PCDHA4: variants seen among roughly 807,000 people sequenced by gnomAD.
PCDHA4 encodes protocadherin alpha 4.
A neutral mutation model predicts 61.4 loss-of-function variants in PCDHA4; 49 were observed. The ratio of observed to expected loss-of-function variants is 0.80; its 90% CI spans 0.63 to 1.01. The LOEUF (loss-of-function observed/expected upper bound fraction) is 1.01, where lower values mean the gene tolerates loss of function less well. Ranked by LOEUF, PCDHA4 falls within the 50% of genes least tolerant of loss-of-function variation. The pLI is 0.00. For missense variants in PCDHA4, 1,254 were observed against 1,235.8 expected (o/e 1.01, Z -0.22); for synonymous variants, 590 against 550.3 (o/e 1.07, Z -1.01).
chr5:140,851,353 G>A, intron 1 of PCDHA4: 1 of 976,274 alleles, frequency 1.0e-6, no homozygotes, highest in Non-Finnish European at 1.2e-6. Context: ...TCTGGATGGA[G>A]ACTGTGAACA....
intron 1 of PCDHA4, chr5:140,967,549 T>C (rs781838911): frequency 6.2e-7 from 1 of 1,614,012 alleles, no homozygotes; most frequent in Non-Finnish European, 8.5e-7. Flanking sequence ...ACCAGTCCAC[T>C]TATCGCGTCC....
At chr5:140,873,448 T>C (rs917341990) in intron 1 of PCDHA4, among the ~76,000 whole-genome samples, 1 of 152,206 alleles carries the variant, frequency 6.6e-6, no homozygotes, top group East Asian at 1.9e-4. Flanking sequence ...AAATAACAAA[T>C]TTGCATTTTA....
chr5:140,870,944 C>A (rs1554164906), intron 1 of PCDHA4: 1 of 1,613,540 alleles, frequency 6.2e-7, no homozygotes, highest in Admixed American at 1.7e-5. Context: ...CAGCCGGCGG[C>A]GGGCGGCTCG....
Position 140,950,516 on chromosome 5 carries a change from G to A in PCDHA4, c.2386-28433G>A, listed in dbSNP as rs184772904. ...ATTTAAGTCATTATTCCCTGTGTGCGATATGATTGTTTTTGTTGCTCTTGC... is the reference window on the plus strand; with the variant it reads ...ATTTAAGTCATTATTCCCTGTGTGCAATATGATTGTTTTTGTTGCTCTTGC... On this transcript the variant is annotated intron_variant, in intron 1 of 3. Coordinates refer to ENST00000530339, the MANE Select transcript of PCDHA4 (RefSeq NM_018907.4). Among the ~76,000 whole-genome samples, 6 of 152,110 alleles carry A rather than the reference G, an allele frequency of 3.9e-5. No individual in the cohort carries two copies. The East Asian group carries it at 9.6e-4, about 24-fold the overall frequency.
At chr5:140,829,650 T>C (rs2150172095) in intron 1 of PCDHA4, 3 of 1,612,396 alleles carry the variant, frequency 1.9e-6, no homozygotes, top group Non-Finnish European at 1.7e-6. Context: ...GTGTACGCGC[T>C]GCAGCCGCTG....
chr5:140,919,558 TAA>T (rs879969388), intron 1 of PCDHA4, among the ~76,000 whole-genome samples: 1 of 152,210 alleles, frequency 6.6e-6, no homozygotes, highest in Non-Finnish European at 1.5e-5. Flanking sequence ...TGATTTATAT[TAA>T]GTGAATATTT....
chr5:140,998,491 A>G (rs994652769), intron 3 of PCDHA4, among the ~76,000 whole-genome samples: 15 of 152,288 alleles, frequency 9.8e-5, no homozygotes, highest in African/African-American at 3.1e-4. Flanking sequence ...TAACTCTTTG[A>G]GAACAGGGTA....
At chr5:140,971,586 C>G (rs1290834481) in intron 1 of PCDHA4, among the ~76,000 whole-genome samples, 1 of 152,022 alleles carries the variant, frequency 6.6e-6, no homozygotes, top group Non-Finnish European at 1.5e-5. Context: ...TTTTTCCTAC[C>G]TAGTTACTAC....
chr5:141,003,714 C>T (rs781976885), intron 3 of PCDHA4, among the ~76,000 whole-genome samples: 17 of 152,266 alleles, frequency 1.1e-4, no homozygotes, highest in South Asian at 2.1e-4. Flanking sequence ...GTGAAGATAT[C>T]GGCTAATCCA....
chr5:141,010,052 A>G lies in PCDHA4; in HGVS notation c.*115A>G. The stretch of plus-strand genomic sequence containing the variant: ...CTACATGAGCCCTCTTAGAGACCTC[A>G]GAAATCTGCAGAAAGTTCCCTGTGT... On this transcript the variant is annotated 3_prime_UTR_variant, in exon 4 of 4. Coordinates refer to ENST00000530339, the MANE Select transcript of PCDHA4 (RefSeq NM_018907.4). The G allele has an allele frequency of 1.3e-6, 2 of 1,598,970 alleles. No homozygotes were observed. Among genetic ancestry groups the G allele is most frequent in the Non-Finnish European group, 1.7e-6 (2 of 1,172,814 alleles).
intron 1 of PCDHA4, among the ~76,000 whole-genome samples, chr5:140,907,595 A>C (rs1278261727): frequency 6.6e-6 from 1 of 152,198 alleles, no homozygotes; most frequent in African/African-American, 2.4e-5. Flanking sequence ...GATCACCCTG[A>C]GGAATGGTGC....
chr5:140,948,276 G>A (rs375889469), intron 1 of PCDHA4, among the ~76,000 whole-genome samples: 1 of 151,520 alleles, frequency 6.6e-6, no homozygotes, highest in East Asian at 1.9e-4. Context: ...TAGAATATCT[G>A]TAAATAATTT....
chr5:140,837,077 T>G (rs1350684380), intron 1 of PCDHA4: 3 of 173,170 alleles, frequency 1.7e-5, no homozygotes, highest in Non-Finnish European at 3.7e-5. Context: ...AATCAATACC[T>G]ATAAATGTTA....
intron 1 of PCDHA4, chr5:140,824,314 T>C (rs986796925): frequency 2.7e-6 from 2 of 754,632 alleles, no homozygotes; most frequent in Non-Finnish European, 4.4e-6. Context: ...AATAGATTCA[T>C]CAGCTTTCTG....
At chr5:140,820,842 T>G in intron 1 of PCDHA4, among the ~76,000 whole-genome samples, 1 of 152,168 alleles carries the variant, frequency 6.6e-6, no homozygotes, top group African/African-American at 2.4e-5. Flanking sequence ...AATAGCAACT[T>G]GAAGAAATGC....
chr5:140,902,798 T>C (rs1554190660), intron 1 of PCDHA4, among the ~76,000 whole-genome samples: 1 of 152,156 alleles, frequency 6.6e-6, no homozygotes, highest in Admixed American at 6.5e-5. Context: ...CACTTGTATG[T>C]GAGAATATAC....
chr5:140,928,876 C>T (rs1554206456), intron 1 of PCDHA4: 1 of 1,614,194 alleles, frequency 6.2e-7, no homozygotes, highest in Non-Finnish European at 8.5e-7. Context: ...CTCTGTCCCT[C>T]AGTTACTTCC....
intron 1 of PCDHA4, among the ~76,000 whole-genome samples, chr5:140,924,902 AAAAT>A (rs1239542905): frequency 0.13 from 4,984 of 38,732 alleles, 244 homozygotes; most frequent in African/African-American, 0.34. Flanking sequence ...CTCAAAAAAA[AAAAT>A]AAAATAAAAT....
At chr5:140,945,955 A>C (rs1174972799) in intron 1 of PCDHA4, among the ~76,000 whole-genome samples, 2 of 152,136 alleles carry the variant, frequency 1.3e-5, no homozygotes, top group African/African-American at 4.8e-5. Context: ...TGACCCTGAA[A>C]GCACAGGCAA....
Sources: gnomAD v4.1 joint callset for allele counts (sites outside exome capture counted in the v4.1 genomes callset) on GRCh38, gnomAD v4.1.1 for gene constraint, MANE v1.5 for transcripts, NCBI Gene and HGNC (gene_info 2026-07-23, HGNC 2026-07-21) for gene names.